NEU4: variants seen among roughly 807,000 people sequenced by gnomAD.
The protein encoded by NEU4 is sialidase-4.
In NEU4, 7 loss-of-function variants were observed where a neutral mutation model predicts 9.9. The ratio of observed to expected loss-of-function variants is 0.71; its 90% confidence interval spans 0.40 to 1.33. The LOEUF is 1.33. Ranked by LOEUF, NEU4 falls within the 40% of genes most tolerant of loss-of-function variation. The pLI is 0.01. For missense variants in NEU4, 717 were observed against 712.6 expected, an observed-to-expected ratio of 1.01 and a Z score of -0.07; for synonymous variants, 348 against 316.9, an observed-to-expected ratio of 1.10 and a Z score of -1.04.
chr2:241,811,666 C>A, intron 1 of NEU4: 1 of 412,524 alleles, frequency 2.4e-6, no homozygotes, highest in Non-Finnish European at 4.2e-6. Context: ...GCCCCTCCAG[C>A]AAGAGGTCCC....
intron 1 of NEU4, chr2:241,811,116 T>C: frequency 8.3e-7 from 1 of 1,204,676 alleles, no homozygotes; most frequent in African/African-American, 1.6e-5. Flanking sequence ...CGTGTCCCTC[T>C]GGGAGGTCAA....
rs766029212 is a variant in NEU4, at chr2:241,811,436, G to A, written c.-4+2162G>A. 2.5e-6 allele frequency: 4 copies of A among 1,568,998 alleles called. No individual in the cohort carries two copies. The South Asian group carries it at 4.6e-5, about 18-fold the overall frequency. On this transcript the variant is annotated intron_variant, in intron 1 of 3. Coordinates refer to ENST00000407683, the MANE Select transcript of NEU4 (RefSeq NM_001167600.3). ...CAGGCGAGGCAGCCACCCATGATGA[G>A]CTCTGCAGCCTTCCCAAGGTGGCTG...
rs139731536 is a variant in NEU4 at position 241,809,375 on chromosome 2, A to C, written c.-4+101A>C. 291 of 580,992 alleles carry C rather than the reference A, an allele frequency of 5.0e-4. 1 individual carries two copies. The African/African-American group carries it at 5.3e-3, about 11-fold the overall frequency. 36.0% of individuals were successfully genotyped at this position (580,992 alleles called of 1,614,324 possible). ...TGAGAACAGCCTGTCCGGGCTGTGCATTGAGAAGGGGCGGTTAAAATGCTG... is the reference window on the plus strand; with the variant it reads ...TGAGAACAGCCTGTCCGGGCTGTGCCTTGAGAAGGGGCGGTTAAAATGCTG... On this transcript the variant is annotated intron_variant, in intron 1 of 3. Coordinates refer to ENST00000407683, the MANE Select transcript of NEU4 (RefSeq NM_001167600.3).
At position 241,816,364 on chromosome 2, in the gene NEU4, C is replaced by T. The variant is rs762723636; in HGVS notation, c.771C>T (p.Gly257=). 2 of 1,589,974 alleles carry T rather than the reference C, an allele frequency of 1.3e-6. No homozygotes were observed. The change falls in exon 4 of 4, where the codon GGC becomes GGT. Residue 257 remains glycine, a synonymous_variant. Transcript: ENST00000407683. ...SRVQALSTDE[G]TSFLPAERVA... ...TGCAGGCGCTCAGCACTGACGAGGG[C>T]ACCTCCTTCCTGCCCGCAGAGCGCG...
At position 241,816,556 on chromosome 2, in the gene NEU4, T is replaced by C. The variant is rs760339990; in HGVS notation, c.963T>C (p.Ala321=). The change falls in exon 4 of 4, where the codon GCT becomes GCC. Residue 321 remains alanine (A), a synonymous_variant. Coordinates refer to ENST00000407683, the MANE Select transcript of NEU4 (RefSeq NM_001167600.3). ...TCCACGAACCCCCAGAGGAGGCTGC[T>C]GTAGACCCCCGTGGAGGCCAGGTGC... is the stretch of plus-strand genomic sequence containing the variant. ...PGVHEPPEEA[A]VDPRGGQVPG... is the part of the protein sequence containing the mutation. 5 of 1,610,954 alleles carry C rather than the reference T, an allele frequency of 3.1e-6. No homozygotes were observed. In the South Asian group the frequency reaches 3.3e-5, roughly 11 times the overall value.
chr2:241,811,013 G>A (rs1201956740), intron 1 of NEU4: 19 of 1,041,686 alleles, frequency 1.8e-5, no homozygotes, highest in Non-Finnish European at 2.1e-5. Flanking sequence ...GGGCTGTGCT[G>A]TGCCAGGGGA....
chr2:241,817,251 G>A lies in NEU4; in HGVS notation c.*203G>A, dbSNP rs1700388359. The A allele has an allele frequency of 4.7e-6, 2 of 421,574 alleles. No homozygotes were observed. Among genetic ancestry groups the A allele is most frequent in the South Asian group, 6.5e-5 (2 of 30,744 alleles). The allele number at this position is 421,574 out of a possible 1,614,324, so 26.1% of individuals were successfully genotyped here. A position where few individuals can be genotyped will look rare whatever the true frequency, so the allele number is the denominator to read the frequency against. ...TGGGAGTGAGCAGGGCAGGGTGGGG[G>A]CAGGGTGGGGGCACGAAGTGGGCCC... On this transcript the variant is annotated 3_prime_UTR_variant, in exon 4 of 4. Transcript: ENST00000407683.
At chr2:241,814,310 TG>T in intron 1 of NEU4, 171 bp from the exon 2 acceptor site, 1 of 643,000 alleles carries the variant, frequency 1.6e-6, no homozygotes, top group Non-Finnish European at 2.8e-6. Context: ...GCTCCAGATC[TG>T]GGGTGAGGGA....
At chr2:241,812,155 A>T (rs1360821157) in intron 1 of NEU4, 1 of 148,794 alleles carries the variant, frequency 6.7e-6, no homozygotes. Context: ...GTCTGACCTC[A>T]AGGCTCTTGG....
At chr2:241,813,838 A>C (rs1016995839) in intron 1 of NEU4, 1 of 303,270 alleles carries the variant, frequency 3.3e-6, no homozygotes, top group Non-Finnish European at 6.6e-6. Context: ...GTCCCCAGAG[A>C]GCCCCGTGAC....
rs369572322 is a variant in NEU4 at position 241,814,552 on chromosome 2, G to A, written c.68G>A (p.Arg23His). Reference protein sequence around the residue: ...FERERTGLTYRVPSLLPVPPG... With the variant: ...FERERTGLTYHVPSLLPVPPG... Reference sequence around the variant, plus strand: ...CGGGAGAGGACGGGCCTGACCTACCGCGTGCCCTCGCTGCTCCCCGTGCCC... The same window carrying A: ...CGGGAGAGGACGGGCCTGACCTACCACGTGCCCTCGCTGCTCCCCGTGCCC... The change falls in exon 2 of 4, where the codon CGC (arginine) becomes CAC (histidine). Residue 23 changes from arginine (R) to histidine (H), a missense_variant. Arg to His is a conservative substitution (Grantham distance 29). Transcript: ENST00000407683. The A allele has an allele frequency of 2.9e-5, 46 of 1,612,520 alleles. No homozygotes were observed. The Middle Eastern group carries it at 8.2e-4, about 29-fold the overall frequency.
chr2:241,816,622 C>T lies in NEU4; in HGVS notation c.1029C>T (p.Gly343=). ...GCCGTCTGCAGCCTCGGGGGGATGG[C>T]CCCAGGCAGCCTGGCCCCAGGCCTG... ...PFSRLQPRGD[G]PRQPGPRPGV... is the part of the protein sequence containing the mutation. The change falls in exon 4 of 4, where the codon GGC becomes GGT. Residue 343 remains glycine (G), a synonymous_variant. Coordinates refer to ENST00000407683, the MANE Select transcript of NEU4 (RefSeq NM_001167600.3). The T allele has an allele frequency of 6.4e-7, 1 of 1,563,532 alleles. No individual in the cohort carries two copies. Among genetic ancestry groups the T allele is most frequent in the Non-Finnish European group, 8.6e-7 (1 of 1,158,202 alleles).
intron 1 of NEU4, chr2:241,813,528 C>T: frequency 8.1e-7 from 1 of 1,238,764 alleles, no homozygotes; most frequent in Non-Finnish European, 1.0e-6. Flanking sequence ...GTCCCGCCTG[C>T]AACAAGCAGA....
At chr2:241,815,408 C>CAGTGGG (rs1700290961) in intron 3 of NEU4, 1 of 580,768 alleles carries the variant, frequency 1.7e-6, no homozygotes, top group African/African-American at 2.0e-5. Context: ...ATCCCTCTCC[C>CAGTGGG]CAGGACCGTC....
rs570028978 is a variant in NEU4, at chr2:241,813,258, C to T, written c.-3-1224C>T. The stretch of plus-strand genomic sequence containing the variant: ...CCCGTGGGTGTGCATGGGTCCCCGT[C>T]GTAGGCAGGCGTTCTGCCCTGGCCA... On this transcript the variant is annotated intron_variant, in intron 1 of 3. Coordinates refer to ENST00000407683, the MANE Select transcript of NEU4 (RefSeq NM_001167600.3). The T allele has an allele frequency of 8.2e-5, 78 of 946,232 alleles. No individual in the cohort carries two copies. The South Asian group carries it at 2.7e-3, about 32-fold the overall frequency. The allele number at this position is 946,232 out of a possible 1,614,324, so 58.6% of individuals were successfully genotyped here.
At chr2:241,810,777 GCGGGGACAGGC>G in intron 1 of NEU4, 1 of 194,134 alleles carries the variant, frequency 5.2e-6, no homozygotes, top group East Asian at 2.6e-4. Flanking sequence ...CAGGAGTCCT[GCGGGGACAGGC>G]TGGGGGCAGG....
At chr2:241,811,370 G>A in intron 1 of NEU4, 10 of 1,475,782 alleles carry the variant, frequency 6.8e-6, no homozygotes, top group Non-Finnish European at 9.1e-6. Context: ...CAGCTCCCTG[G>A]CCTGCTGCCC....
chr2:241,816,144 G>A lies in NEU4; in HGVS notation c.551G>A (p.Arg184Gln), dbSNP rs750387336. 19 of 1,612,248 alleles carry A rather than the reference G, an allele frequency of 1.2e-5. No homozygotes were observed. Among genetic ancestry groups the A allele is most frequent in the African/African-American group, 2.7e-5 (2 of 74,922 alleles). The stretch of plus-strand genomic sequence containing the variant: ...GCCTACACCTACCGCGTGGACCGCC[G>A]AGAGTGTTTTGGCAAGATCTGCCGG... Reference protein sequence around the residue: ...VPAYTYRVDRRECFGKICRTS... With the variant: ...VPAYTYRVDRQECFGKICRTS... Residue 184 changes from arginine to glutamine, a missense_variant, in exon 4 of 4, where the codon CGA becomes CAA. Transcript: ENST00000407683.
In NEU4 at chr2:241,813,546, C is replaced by T. The variant is rs553432348; in HGVS notation, c.-3-936C>T. On this transcript the variant is annotated intron_variant, in intron 1 of 3. Coordinates refer to ENST00000407683, the MANE Select transcript of NEU4 (RefSeq NM_001167600.3). ...CCGCCTGCAACAAGCAGACCCCATG[C>T]GTGCCCCAAATGCCCCCTCACCCGG... The T allele has an allele frequency of 3.4e-5, 43 of 1,268,954 alleles. No homozygotes were observed. In the African/African-American group the frequency reaches 5.1e-4, roughly 15 times the overall value. 78.6% of individuals were successfully genotyped at this position (1,268,954 alleles called of 1,614,324 possible).
Sources: allele counts gnomAD v4.1 joint callset, GRCh38; gene constraint gnomAD v4.1.1; transcripts MANE v1.5; gene names NCBI Gene and HGNC (gene_info 2026-07-23, HGNC 2026-07-21).